SVEP1: variants seen among roughly 807,000 people sequenced by gnomAD.
SVEP1 encodes the protein sushi, von Willebrand factor type A, EGF and pentraxin domain-containing protein 1.
In SVEP1, 164 loss-of-function variants were observed where a neutral mutation model predicts 367.3. The observed-to-expected ratio is 0.45, with a 90% CI of 0.39 to 0.51. SVEP1 has a LOEUF of 0.51. Among genes scored for constraint, SVEP1 ranks in the 20% least tolerant of loss-of-function variants. SVEP1 has a pLI of 0.00. For synonymous variants in SVEP1, 1,666 were observed against 1,611.6 expected (o/e 1.03, Z -0.81); for missense variants, 4,117 against 4,425.3 (o/e 0.93, Z 1.98).
intron 28 of SVEP1, 47 bp downstream of exon 28, chr9:110,436,333 T>A: frequency 6.2e-7 from 1 of 1,610,010 alleles, no homozygotes; most frequent in Non-Finnish European, 8.5e-7. Flanking sequence ...TTACTAGGTT[T>A]GTACCTTTGC....
rs1828400759 is a variant in SVEP1 at position 110,434,429 on chromosome 9, G to A, written c.4966C>T (p.Leu1656=). Residue 1656 remains leucine (L), a synonymous_variant, in exon 30 of 48, where the codon CTG becomes TTG. Transcript: ENST00000374469. ...AGCTGGAAGCCTGGATCACAGAACAGATTGACTTTGGAACCTGGCTTTAAA... is the reference window on the plus strand; with the variant it reads ...AGCTGGAAGCCTGGATCACAGAACAAATTGACTTTGGAACCTGGCTTTAAA... ...EDLKPGSKVN[L]FCDPGFQLVG... The A allele has an allele frequency of 6.2e-7, 1 of 1,613,568 alleles. No homozygotes were observed. The highest frequency in any genetic ancestry group is 8.5e-7 in the Non-Finnish European group (1 of 1,179,746).
At chr9:110,561,178 G>A (rs1830422021) in intron 1 of SVEP1, among the ~76,000 whole-genome samples, 1 of 152,008 alleles carries the variant, frequency 6.6e-6, no homozygotes, top group Non-Finnish European at 1.5e-5. Flanking sequence ...CGTTCTTGAT[G>A]TTTGCTCTGC....
intron 7 of SVEP1, among the ~76,000 whole-genome samples, chr9:110,497,824 T>G (rs2118743470): frequency 6.6e-6 from 1 of 152,376 alleles, no homozygotes; most frequent in South Asian, 2.1e-4. Context: ...AACTTCTGGC[T>G]GAATATATCT....
intron 5 of SVEP1, among the ~76,000 whole-genome samples, chr9:110,509,322 A>T (rs1250816554): frequency 1.3e-5 from 2 of 152,238 alleles, no homozygotes; most frequent in Non-Finnish European, 2.9e-5. Flanking sequence ...ACAATATCTG[A>T]TGTAACTAAA....
chr9:110,429,963 T>C lies in SVEP1; in HGVS notation c.5572A>G (p.Ile1858Val). ...CCAAAAGTAAATGCTAACTCCTCAA[T>C]GCAACCATTTTCTGGAATAGCCGGT... ...GKPAIPENGC[I>V]EELAFTFGSK... The change falls in exon 34 of 48, where the codon ATT becomes GTT. Residue 1858 changes from isoleucine to valine, a missense_variant. Physicochemically the swap from Ile to Val is conservative, Grantham distance 29. Around this residue, in one of 4 missense-constraint regions of SVEP1, gnomAD observed 2,174 missense variants for 2,494.3 expected, o/e 0.87. Transcript: ENST00000374469. 2 of 1,612,938 alleles carry C rather than the reference T, an allele frequency of 1.2e-6. No individual in the cohort carries two copies. Among genetic ancestry groups the C allele is most frequent in the Non-Finnish European group, 1.7e-6 (2 of 1,179,780 alleles).
At chr9:110,389,628 A>ACAATAGAAAGATAATAAGG (rs1379504848) in intron 40 of SVEP1, 41 bp from the exon 41 acceptor site, 8 of 1,606,072 alleles carry the variant, frequency 5.0e-6, no homozygotes, top group Non-Finnish European at 6.8e-6. Context: ...TCATAACTCT[A>ACAATAGAAAGATAATAAGG]CAATAGAAAG....
intron 1 of SVEP1, among the ~76,000 whole-genome samples, chr9:110,568,525 T>C (rs77134005): frequency 0.033 from 5,054 of 152,186 alleles, 135 homozygotes; most frequent in African/African-American, 0.066. Flanking sequence ...TTCTTAAATA[T>C]GTAGATAAAT....
chr9:110,458,821 G>A (rs1258291108), intron 19 of SVEP1, 131 bp downstream of exon 19: 3 of 1,154,764 alleles, frequency 2.6e-6, no homozygotes, highest in Non-Finnish European at 3.6e-6. Flanking sequence ...AAATACCTCA[G>A]AAGGACAATT....
Position 110,483,692 on chromosome 9 carries a change from A to G in SVEP1, c.1932T>C (p.Asp644=). ...ACCAGTCTATGACAGGTGGTTCTGC[A>G]TCTGAAGAACATGAAATCAGACAAA... ...ASCIFHIKVI[D]AEPPVIDWCR... is the part of the protein sequence containing the mutation. The change falls in exon 10 of 48, where the codon GAT becomes GAC. Residue 644 remains aspartate, a splice_region_variant and synonymous_variant. Coordinates refer to ENST00000374469, the MANE Select transcript of SVEP1 (RefSeq NM_153366.4). 1 of 1,585,414 alleles carries G rather than the reference A, an allele frequency of 6.3e-7. No individual in the cohort carries two copies. Among genetic ancestry groups the G allele is most frequent in the East Asian group, 2.3e-5 (1 of 43,910 alleles).
intron 2 of SVEP1, among the ~76,000 whole-genome samples, chr9:110,547,189 T>A (rs956767891): frequency 2.8e-4 from 42 of 152,138 alleles, no homozygotes; most frequent in African/African-American, 9.6e-4. Context: ...AAGGGAAGAT[T>A]CCAGCCCCAA....
At chr9:110,478,366 A>T (rs1829131317) in intron 13 of SVEP1, among the ~76,000 whole-genome samples, 1 of 152,234 alleles carries the variant, frequency 6.6e-6, no homozygotes, top group South Asian at 2.1e-4. Flanking sequence ...GTTTATTCAG[A>T]TCTAAATCCC....
chr9:110,466,987 C>G (rs1828949089), intron 17 of SVEP1, among the ~76,000 whole-genome samples: 1 of 152,066 alleles, frequency 6.6e-6, no homozygotes, highest in Non-Finnish European at 1.5e-5. Context: ...ACTGGCCTTT[C>G]TTTCTGCTTT....
intron 9 of SVEP1, among the ~76,000 whole-genome samples, chr9:110,488,194 G>A (rs143593339): frequency 6.6e-6 from 1 of 152,282 alleles, no homozygotes; most frequent in East Asian, 1.9e-4. Flanking sequence ...GTGGTTGGCT[G>A]TGTCCTTTTC....
intron 39 of SVEP1, 109 bp from the exon 40 acceptor site, chr9:110,401,118 A>G (rs1022863093): frequency 1.2e-5 from 16 of 1,357,628 alleles, no homozygotes; most frequent in Admixed American, 4.8e-5. Flanking sequence ...ATGATAGTCA[A>G]AAGCACCCAG....
intron 17 of SVEP1, among the ~76,000 whole-genome samples, chr9:110,467,858 A>G (rs1828961657): frequency 6.6e-6 from 1 of 150,536 alleles, no homozygotes. Context: ...CTGGCCTTGA[A>G]CTCCTTGGCT....
intron 18 of SVEP1, among the ~76,000 whole-genome samples, chr9:110,463,874 CATTCCTA>C (rs1378111491): frequency 2.6e-5 from 4 of 152,090 alleles, no homozygotes; most frequent in African/African-American, 9.7e-5. Context: ...TAACTTTTGT[CATTCCTA>C]ATTCCCACTC....
At chr9:110,478,743 C>T (rs1344935953) in intron 13 of SVEP1, among the ~76,000 whole-genome samples, 1 of 152,048 alleles carries the variant, frequency 6.6e-6, no homozygotes, top group Non-Finnish European at 1.5e-5. Flanking sequence ...AATGGACATT[C>T]GTTAATATGT....
At position 110,444,343 on chromosome 9, in the gene SVEP1, C is replaced by T. The variant is rs1285556792; in HGVS notation, c.4464-623G>A. Among the ~76,000 whole-genome samples, 3 of 149,804 alleles carry T rather than the reference C, an allele frequency of 2.0e-5. No homozygotes were observed. The Admixed American group carries it at 2.0e-4, about 10-fold the overall frequency. ...TGAAGACAGAGTAAGAAGGTGCCAT[C>T]GTGGACAGGAAAGTAGGGCCTCCCC... is the stretch of plus-strand genomic sequence containing the variant. On this transcript the variant is annotated intron_variant, in intron 26 of 47. Transcript: ENST00000374469.
chr9:110,436,625 C>G, intron 27 of SVEP1, 121 bp from the exon 28 acceptor site: 1 of 1,380,870 alleles, frequency 7.2e-7, no homozygotes, highest in Non-Finnish European at 9.6e-7. Flanking sequence ...TACTGAAAAG[C>G]AAAATTCTGT....
Sources: allele counts gnomAD v4.1 joint callset (sites outside exome capture counted in the v4.1 genomes callset), GRCh38; gene constraint gnomAD v4.1.1; regional missense constraint gnomAD v4.1.1; transcripts MANE v1.5; gene names NCBI Gene and HGNC (gene_info 2026-07-23, HGNC 2026-07-21).